The following KIFC2 variants were observed in gnomAD, a reference collection of about 807,000 sequenced individuals.
KIFC2 encodes kinesin family member C2.
In KIFC2, 94 loss-of-function variants were observed where a neutral mutation model predicts 91.5. The observed-to-expected ratio is 1.03, with a 90% CI of 0.87 to 1.22. KIFC2 has a LOEUF of 1.22. KIFC2 is among the 50% of genes most tolerant of loss of function. The pLI is 0.00. For synonymous variants in KIFC2, 729 were observed against 503.9 expected, an observed-to-expected ratio of 1.45 and a Z score of -5.98; for missense variants, 1,357 against 1,103.3, an observed-to-expected ratio of 1.23 and a Z score of -3.26.
Position 144,472,942 on chromosome 8 carries a change from T to TGGCCGCACTGCGGGCCCACC in KIFC2, c.2018_2037dup (p.Val680CysfsTer140). On this transcript the variant is annotated frameshift_variant, in exon 17 of 18. Coordinates refer to ENST00000645548, the MANE Select transcript of KIFC2 (RefSeq NM_001369769.2). LOFTEE classifies it high-confidence loss of function. ...TCGCTGCTGGCGCTAGGAGGCGTGATGGCCGCACTGCGGGCCCACCGGCCG... is the reference window on the plus strand; with the variant it reads ...TCGCTGCTGGCGCTAGGAGGCGTGATGGCCGCACTGCGGGCCCACCGGCCGCACTGCGGGCCCACCGGCCG... 6.8e-7 allele frequency: 1 copy of TGGCCGCACTGCGGGCCCACC among 1,479,078 alleles called. No homozygotes were observed. The highest frequency in any genetic ancestry group is 8.9e-7 in the Non-Finnish European group (1 of 1,124,982). The allele number at this position is 1,479,078 out of a possible 1,614,324, so 91.6% of individuals were successfully genotyped here. A position where few individuals can be genotyped will look rare whatever the true frequency, so the allele number is the denominator to read the frequency against.
rs138388715 is a variant in KIFC2, at chr8:144,472,861, C to G, written c.1928C>G (p.Pro643Arg). 22 of 1,543,030 alleles carry G rather than the reference C, an allele frequency of 1.4e-5. No individual in the cohort carries two copies. Among genetic ancestry groups the G allele is most frequent in the East Asian group, 2.5e-5 (1 of 40,808 alleles). Residue 643 changes from proline (P) to arginine (R), a missense_variant, in exon 17 of 18, where the codon CCG becomes CGG. By Grantham distance (103) the Pro-to-Arg change is moderately radical. Coordinates refer to ENST00000645548, the MANE Select transcript of KIFC2 (RefSeq NM_001369769.2). ...CGGAAGGCAGGGGCGGCCGGCCCGCCGCGGGGAGACCCAGACGGCGCCCGG... is the reference window on the plus strand; with the variant it reads ...CGGAAGGCAGGGGCGGCCGGCCCGCGGCGGGGAGACCCAGACGGCGCCCGG... Reference protein sequence around the residue: ...RARKAGAAGPPRGDPDGARRL... With the variant: ...RARKAGAAGPRRGDPDGARRL...
Position 144,472,406 on chromosome 8 carries a change from G to C in KIFC2, c.1653G>C (p.Gln551His), listed in dbSNP as rs763937224. ...PGPPERLAVR[Q>H]GPEGQGGIQV... The stretch of plus-strand genomic sequence containing the variant: ...CTCCCGAGCGCCTGGCCGTGAGGCA[G>C]GGCCCAGAAGGCCAGGGCGGGATCC... The change falls in exon 15 of 18, where the codon CAG (glutamine) becomes CAC (histidine). Residue 551 changes from glutamine (Q) to histidine (H), a missense_variant. Physicochemically the swap from Gln to His is conservative, Grantham distance 24. Coordinates refer to ENST00000645548, the MANE Select transcript of KIFC2 (RefSeq NM_001369769.2). 2.5e-6 allele frequency: 4 copies of C among 1,613,132 alleles called. No individual in the cohort carries two copies. The highest frequency in any genetic ancestry group is 2.5e-6 in the Non-Finnish European group (3 of 1,179,890).
At chr8:144,469,124 C>T in intron 10 of KIFC2, 147 bp from the exon 11 acceptor site, 1 of 697,776 alleles carries the variant, frequency 1.4e-6, no homozygotes, top group Non-Finnish European at 2.5e-6. Flanking sequence ...AATGATGTCC[C>T]CAGGGGCCCA....
intron 7 of KIFC2, 82 bp from the exon 8 acceptor site, chr8:144,468,247 T>C: frequency 6.8e-6 from 9 of 1,314,088 alleles, no homozygotes; most frequent in African/African-American, 1.4e-5. Flanking sequence ...TCTGCCCACC[T>C]CTTGACTTGA....
chr8:144,466,386 CGCGA>C lies in KIFC2; in HGVS notation c.-33_-30del. The C allele has an allele frequency of 1.0e-6, 1 of 990,786 alleles. No homozygotes were observed. The highest frequency in any genetic ancestry group is 1.3e-6 in the Non-Finnish European group (1 of 766,400). 61.4% of individuals were successfully genotyped at this position (990,786 alleles called of 1,614,324 possible). The stretch of plus-strand genomic sequence containing the variant: ...GTCTGGGCGCGGGGACGCGGGGCGG[CGCGA>C]AGCGGGGCCCTCTGCCGCCCCGCGC... On this transcript the variant is annotated 5_prime_UTR_variant, in exon 1 of 18. Coordinates refer to ENST00000645548, the MANE Select transcript of KIFC2 (RefSeq NM_001369769.2).
rs372871739 is a variant in KIFC2 at position 144,467,642 on chromosome 8, G to A, written c.615+12G>A. 968 of 1,601,454 alleles carry A rather than the reference G, an allele frequency of 6.0e-4. No homozygotes were observed. The highest frequency in any genetic ancestry group is 8.0e-4 in the Non-Finnish European group (935 of 1,172,860). ...TCATCCTGGGACAGGTGAGGTCCCT[G>A]GAGCCAGAAGGGATTGCCGGCTGGG... On this transcript the variant is annotated intron_variant, in intron 5 of 17. Coordinates refer to ENST00000645548, the MANE Select transcript of KIFC2 (RefSeq NM_001369769.2).
upstream of KIFC2, chr8:144,466,215 G>A (rs1328036393): frequency 5.4e-6 from 1 of 184,688 alleles, no homozygotes; most frequent in Non-Finnish European, 1.1e-5. Flanking sequence ...GGGCGGCGCC[G>A]TGAGAAACGG....
rs2620672 is a variant in KIFC2, at chr8:144,472,852, C to G, written c.1919C>G (p.Ala640Gly). 2 of 1,548,146 alleles carry G rather than the reference C, an allele frequency of 1.3e-6. No individual in the cohort carries two copies. The highest frequency in any genetic ancestry group is 1.7e-6 in the Non-Finnish European group (2 of 1,159,758). The change falls in exon 17 of 18, where the codon GCC (alanine) becomes GGC (glycine). Residue 640 changes from alanine to glycine, a missense_variant. Ala to Gly is a moderately conservative substitution (Grantham distance 60). Coordinates refer to ENST00000645548, the MANE Select transcript of KIFC2 (RefSeq NM_001369769.2). ...GAACGCGCACGGAAGGCAGGGGCGG[C>G]CGGCCCGCCGCGGGGAGACCCAGAC... Reference protein sequence around the residue: ...GSERARKAGAAGPPRGDPDGA... With the variant: ...GSERARKAGAGGPPRGDPDGA...
In KIFC2 at chr8:144,473,775, A is replaced by C; in HGVS notation, c.*386A>C. On this transcript the variant is annotated 3_prime_UTR_variant, in exon 18 of 18. Coordinates refer to ENST00000645548, the MANE Select transcript of KIFC2 (RefSeq NM_001369769.2). ...CTTTACTGTTATCCCCCCCACCACC[A>C]GGACCATGTAGGGTGCAGTCTTTAC... 2 of 370,306 alleles carry C rather than the reference A, an allele frequency of 5.4e-6. No individual in the cohort carries two copies. Among genetic ancestry groups the C allele is most frequent in the Non-Finnish European group, 4.9e-6 (1 of 205,678 alleles). The allele number at this position is 370,306 out of a possible 1,614,324, so 22.9% of individuals were successfully genotyped here.
upstream of KIFC2, chr8:144,466,122 G>T (rs1159039781): frequency 6.3e-6 from 1 of 157,728 alleles, no homozygotes; most frequent in African/African-American, 2.4e-5. Context: ...TACGCGGAGG[G>T]TGGGAGGGAT....
chr8:144,467,383 G>A (rs1411702689), intron 4 of KIFC2, 42 bp downstream of exon 4: 3 of 1,554,134 alleles, frequency 1.9e-6, no homozygotes, highest in African/African-American at 2.7e-5. Context: ...TCTGGAGGGA[G>A]CAAATCCCGG....
rs144988968 is a variant in KIFC2 at position 144,468,393 on chromosome 8, C to T, written c.875C>T (p.Ala292Val). 10 of 1,612,676 alleles carry T rather than the reference C, an allele frequency of 6.2e-6. No individual in the cohort carries two copies. The highest frequency in any genetic ancestry group is 1.6e-4 in the Middle Eastern group (1 of 6,076). ...RLQEAQDTTE[A>V]LRAQLGVQEV... ...CAGGAGGCCCAAGACACCACAGAAGCCCTCCGAGCCCAGGTGGGCATGGGG... is the reference window on the plus strand; with the variant it reads ...CAGGAGGCCCAAGACACCACAGAAGTCCTCCGAGCCCAGGTGGGCATGGGG... The change falls in exon 8 of 18, where the codon GCC (alanine) becomes GTC (valine). Residue 292 changes from alanine (A) to valine (V), a missense_variant. Transcript: ENST00000645548.
At chr8:144,468,076 C>A (rs1011158247) in intron 7 of KIFC2, 89 bp downstream of exon 7, 6 of 1,434,106 alleles carry the variant, frequency 4.2e-6, no homozygotes, top group Non-Finnish European at 5.5e-6. Flanking sequence ...CTCCTCAGGA[C>A]CTCCCGGGAT....
chr8:144,467,586 G>T lies in KIFC2; in HGVS notation c.571G>T (p.Asp191Tyr). Residue 191 changes from aspartate (D) to tyrosine (Y), a missense_variant, in exon 5 of 18, where the codon GAT becomes TAT. Transcript: ENST00000645548. ...ACAGCAGCCCCTCCAGTTGGAGGAG[G>T]ATCAGAGGGCGTGGCAGCGGCTGGA... Reference protein sequence around the residue: ...QGQQPLQLEEDQRAWQRLEQL... With the variant: ...QGQQPLQLEEYQRAWQRLEQL... 6.2e-7 allele frequency: 1 copy of T among 1,603,604 alleles called. No homozygotes were observed. The highest frequency in any genetic ancestry group is 8.5e-7 in the Non-Finnish European group (1 of 1,174,562).
rs372870601 is a variant in KIFC2, at chr8:144,473,356, G to C, written c.2343G>C (p.Ser781=). The C allele has an allele frequency of 6.3e-7, 1 of 1,581,152 alleles. No homozygotes were observed. Among genetic ancestry groups the C allele is most frequent in the Admixed American group, 1.8e-5 (1 of 56,070 alleles). The change falls in exon 18 of 18, where the codon TCG becomes TCC. Residue 781 remains serine, a synonymous_variant. Transcript: ENST00000645548. ...CCAGTCCCGACAACGGCTCGGGCTC[G>C]GCTCTCGCGCCCGCAGAGGGCCTGC... The part of the protein sequence containing the change: ...PCPSPDNGSG[S]ALAPAEGLPL
chr8:144,473,330 C>T lies in KIFC2; in HGVS notation c.2317C>T (p.Pro773Ser), dbSNP rs150989604. The change falls in exon 18 of 18, where the codon CCC (proline) becomes TCC (serine). Residue 773 changes from proline (P) to serine (S), a missense_variant. Pro to Ser is a moderately conservative substitution (Grantham distance 74). Transcript: ENST00000645548. The stretch of plus-strand genomic sequence containing the variant: ...GCCGTCCCCTGGCAGTCCTCCATGC[C>T]CCAGTCCCGACAACGGCTCGGGCTC... ...PTPSPGSPPCPSPDNGSGSAL... is the reference protein window; with the variant it reads ...PTPSPGSPPCSSPDNGSGSAL... 9 of 1,600,088 alleles carry T rather than the reference C, an allele frequency of 5.6e-6. No homozygotes were observed. The African/African-American group carries it at 6.7e-5, about 12-fold the overall frequency.
Position 144,473,526 on chromosome 8 carries a change from G to A in KIFC2, c.*137G>A, listed in dbSNP as rs183946498. The A allele has an allele frequency of 1.5e-6, 2 of 1,325,526 alleles. No individual in the cohort carries two copies. The highest frequency in any genetic ancestry group is 1.6e-5 in the South Asian group (1 of 62,898). The allele number at this position is 1,325,526 out of a possible 1,614,324, so 82.1% of individuals were successfully genotyped here. Reference sequence around the variant, plus strand: ...GATCCATTGCCCCTGAGCTCCCAGAGTCACCCCTCCACCTCCGCAGCCAGT... The same window carrying A: ...GATCCATTGCCCCTGAGCTCCCAGAATCACCCCTCCACCTCCGCAGCCAGT... On this transcript the variant is annotated 3_prime_UTR_variant, in exon 18 of 18. Coordinates refer to ENST00000645548, the MANE Select transcript of KIFC2 (RefSeq NM_001369769.2).
At chr8:144,469,140 A>G in intron 10 of KIFC2, 131 bp from the exon 11 acceptor site, 1 of 753,052 alleles carries the variant, frequency 1.3e-6, no homozygotes. Flanking sequence ...GCCCAGAGCC[A>G]CTGAAAGTTG....
chr8:144,471,676 A>T (rs993157917), intron 12 of KIFC2, among the ~76,000 whole-genome samples: 1 of 152,136 alleles, frequency 6.6e-6, no homozygotes, highest in Non-Finnish European at 1.5e-5. Context: ...CGTGGTCTTC[A>T]GGACTCCAGA....
Sources: gnomAD v4.1 joint callset for allele counts (sites outside exome capture counted in the v4.1 genomes callset) on GRCh38, gnomAD v4.1.1 for gene constraint, MANE v1.5 for transcripts, NCBI Gene and HGNC (gene_info 2026-07-23, HGNC 2026-07-21) for gene names.